Variants in ALS2CL observed in about 807,000 individuals in gnomAD.
ALS2CL encodes ALS2 C-terminal like.
Under a neutral mutation model 127.9 loss-of-function variants are expected in ALS2CL, and 112 were observed. The observed-to-expected ratio is 0.88, with a 90% CI of 0.75 to 1.02. ALS2CL has a LOEUF of 1.02. ALS2CL is among the 50% of genes least tolerant of loss of function. The pLI, the probability that ALS2CL is intolerant of heterozygous loss-of-function variation, is 0.00. For synonymous variants in ALS2CL, 519 were observed against 527.6 expected (o/e 0.98, Z 0.22); for missense variants, 1,174 against 1,236.7 (o/e 0.95, Z 0.76).
Position 46,676,662 on chromosome 3 carries a change from G to C in ALS2CL, c.2008C>G (p.Leu670Val), listed in dbSNP as rs1242406151. 2 of 1,613,442 alleles carry C rather than the reference G, an allele frequency of 1.2e-6. No homozygotes were observed. Among genetic ancestry groups the C allele is most frequent in the African/African-American group, 2.7e-5 (2 of 74,844 alleles). The change falls in exon 18 of 26, where the codon CTG becomes GTG. Residue 670 changes from leucine (L) to valine (V), a missense_variant. By Grantham distance (32) the Leu-to-Val change is conservative. Transcript: ENST00000318962. ...ELLQHREPKA[L>V]QLYLRKALSN... is the part of the protein sequence containing the mutation. ...CTCACCTTCCTGAGGTACAGCTGCA[G>C]GGCCTTGGGCTCCCGGTGCTGCAGC...
At chr3:46,679,377 A>C in intron 14 of ALS2CL, 90 bp from the exon 15 acceptor site, 5 of 1,137,190 alleles carry the variant, frequency 4.4e-6, no homozygotes, top group Non-Finnish European at 6.4e-6. Flanking sequence ...AAGAAGGGAG[A>C]TGTGCCCTGA....
rs939623991 is a variant in ALS2CL, at chr3:46,683,705, AG to A, written c.912+76del. The A allele has an allele frequency of 6.5e-6, 10 of 1,547,158 alleles. No individual in the cohort carries two copies. In the African/African-American group the frequency reaches 1.2e-4, roughly 19 times the overall value. ...CGCCGGCACTCCTGTGGGGCCCTGCAGGGTTGCATACTTCTGCCCTCTTCCT... is the reference window on the plus strand; with the variant it reads ...CGCCGGCACTCCTGTGGGGCCCTGCAGGTTGCATACTTCTGCCCTCTTCCT... On this transcript the variant is annotated intron_variant, in intron 9 of 25. Transcript: ENST00000318962.
Position 46,689,452 on chromosome 3 carries a change from G to A in ALS2CL, c.-12C>T, listed in dbSNP as rs756064454. Reference sequence around the variant, plus strand: ...TCAGGGTTGCACATGGCCAGGTGCCGGACTCAGGGCCTCCTAGGTAGGGCA... The same window carrying A: ...TCAGGGTTGCACATGGCCAGGTGCCAGACTCAGGGCCTCCTAGGTAGGGCA... On this transcript the variant is annotated 5_prime_UTR_variant, in exon 2 of 26. Coordinates refer to ENST00000318962, the MANE Select transcript of ALS2CL (RefSeq NM_147129.5). 1.8e-5 allele frequency: 29 copies of A among 1,596,490 alleles called. No individual in the cohort carries two copies. Among genetic ancestry groups the A allele is most frequent in the East Asian group, 6.8e-5 (3 of 44,120 alleles).
At chr3:46,671,174 G>A (rs1698353974) in intron 25 of ALS2CL, 110 bp from the exon 26 acceptor site, 1 of 1,208,980 alleles carries the variant, frequency 8.3e-7, no homozygotes. Flanking sequence ...CCCAGAGGAG[G>A]CGTGTCTCCA....
chr3:46,688,141 G>T lies in ALS2CL; in HGVS notation c.259C>A (p.Leu87Met), dbSNP rs2106744400. Residue 87 changes from leucine to methionine, a missense_variant, in exon 3 of 26, where the codon CTG (leucine) becomes ATG (methionine). Physicochemically the swap from Leu to Met is conservative, Grantham distance 15. Transcript: ENST00000318962. ...ACACGGTCAGCACCTCGCAGCAGCAGCAGGGACTCCAGACCGGTGGAGTCC... is the reference window on the plus strand; with the variant it reads ...ACACGGTCAGCACCTCGCAGCAGCATCAGGGACTCCAGACCGGTGGAGTCC... The part of the protein sequence containing the change: ...YPDSTGLESL[L>M]LLRGADRVLQ... 1 of 1,613,088 alleles carries T rather than the reference G, an allele frequency of 6.2e-7. No individual in the cohort carries two copies. The highest frequency in any genetic ancestry group is 2.2e-5 in the East Asian group (1 of 44,896).
chr3:46,676,087 C>T, intron 19 of ALS2CL, 158 bp downstream of exon 19: 1 of 1,379,112 alleles, frequency 7.3e-7, no homozygotes, highest in Non-Finnish European at 9.6e-7. Flanking sequence ...TCCCCACCCT[C>T]TAACCCTTTT....
intron 14 of ALS2CL, 41 bp downstream of exon 14, chr3:46,680,389 G>A (rs781630262): frequency 6.3e-7 from 1 of 1,578,594 alleles, no homozygotes; most frequent in Non-Finnish European, 8.7e-7. Context: ...AGCGGGAGTG[G>A]GGTGCAAAGA....
intron 13 of ALS2CL, chr3:46,680,991 C>T (rs548956369): frequency 4.3e-5 from 26 of 605,224 alleles, no homozygotes; most frequent in African/African-American, 2.8e-4. Flanking sequence ...AGTTTTTAGA[C>T]GTGACAGAGC....
chr3:46,679,237 G>A lies in ALS2CL; in HGVS notation c.1599C>T (p.Phe533=). ...SEDDSLYEGT[F]TRDLTLMGKG... ...TCCCCATGAGGGTCAGGTCCCTGGT[G>A]AAGGTGCCCTCATACAGGGAGTCGT... The change falls in exon 15 of 26, where the codon TTC becomes TTT. Residue 533 remains phenylalanine (F), a synonymous_variant. Transcript: ENST00000318962. 1.3e-6 allele frequency: 2 copies of A among 1,581,088 alleles called. No homozygotes were observed. Among genetic ancestry groups the A allele is most frequent in the East Asian group, 2.3e-5 (1 of 43,392 alleles).
At chr3:46,672,311 G>T in intron 22 of ALS2CL, 110 bp from the exon 23 acceptor site, 1 of 1,353,012 alleles carries the variant, frequency 7.4e-7, no homozygotes, top group Non-Finnish European at 1.0e-6. Flanking sequence ...TTCACTGCCA[G>T]CTTTAGTGCA....
chr3:46,675,575 C>G (rs7635360), intron 20 of ALS2CL, 43 bp downstream of exon 20: 504,103 of 1,596,624 alleles, frequency 0.32, 81,196 homozygotes, highest in South Asian at 0.41. Flanking sequence ...CGCATGAGGC[C>G]TCCCTGGACA....
rs746306306 is a variant in ALS2CL at position 46,681,054 on chromosome 3, C to T, written c.1436+192G>A. On this transcript the variant is annotated intron_variant, in intron 13 of 25. Transcript: ENST00000318962. This position sits in a 1 kb window ranked among gnomAD's most constrained non-coding sequence, Gnocchi z 4.9. Reference sequence around the variant, plus strand: ...CATGAGGAGGGGTGAGGGGCGGGGGCGACCCTGCAGTCAGCGTGACCAAGA... The same window carrying T: ...CATGAGGAGGGGTGAGGGGCGGGGGTGACCCTGCAGTCAGCGTGACCAAGA... 1.2e-5 allele frequency: 11 copies of T among 887,844 alleles called. No homozygotes were observed. The highest frequency in any genetic ancestry group is 5.0e-5 in the East Asian group (2 of 40,128). 55.0% of individuals were successfully genotyped at this position (887,844 alleles called of 1,614,324 possible). A position where few individuals can be genotyped will look rare whatever the true frequency, so the allele number is the denominator to read the frequency against.
chr3:46,685,374 G>T, intron 7 of ALS2CL, 151 bp downstream of exon 7: 1 of 1,309,798 alleles, frequency 7.6e-7, no homozygotes, highest in Non-Finnish European at 1.0e-6. Context: ...CCAGTGGACC[G>T]CCCCTCCCCA....
In ALS2CL at chr3:46,687,647, C is replaced by T. The variant is rs1282886562; in HGVS notation, c.340G>A (p.Ala114Thr). 1.9e-6 allele frequency: 3 copies of T among 1,613,340 alleles called. No individual in the cohort carries two copies. The highest frequency in any genetic ancestry group is 2.5e-6 in the Non-Finnish European group (3 of 1,179,728). Residue 114 changes from alanine (A) to threonine (T), a missense_variant, in exon 4 of 26, where the codon GCC becomes ACC. Transcript: ENST00000318962. Reference sequence around the variant, plus strand: ...CTCCTCTTTGCTGCCTTCTGGAAGGCCTGCACCACCATGCAGCTTGTGTAG... The same window carrying T: ...CTCCTCTTTGCTGCCTTCTGGAAGGTCTGCACCACCATGCAGCTTGTGTAG... ...ESYTSCMVVQAFQKAAKRRSE... is the reference protein window; with the variant it reads ...ESYTSCMVVQTFQKAAKRRSE...
intron 3 of ALS2CL, 64 bp downstream of exon 3, chr3:46,688,034 C>A: frequency 1.3e-6 from 2 of 1,576,042 alleles, no homozygotes; most frequent in Non-Finnish European, 1.7e-6. Context: ...CCCAGGTGAA[C>A]CTTAATGCCA....
intron 2 of ALS2CL, 28 bp downstream of exon 2, chr3:46,689,310 C>T (rs758038693): frequency 6.2e-7 from 1 of 1,608,070 alleles, no homozygotes; most frequent in Admixed American, 1.7e-5. Context: ...CGGTGCCCTT[C>T]CCTCCCCACT....
In ALS2CL at chr3:46,677,025, G is replaced by T. The variant is rs368140110; in HGVS notation, c.1758-3C>A. ...GGAAGGCACCCACGCCCAGCTGCCTGCGATGGGGATGGAGGGTGGGTGATG... is the reference window on the plus strand; with the variant it reads ...GGAAGGCACCCACGCCCAGCTGCCTTCGATGGGGATGGAGGGTGGGTGATG... On this transcript the variant is annotated splice_polypyrimidine_tract_variant and splice_region_variant and intron_variant, in intron 16 of 25. Coordinates refer to ENST00000318962, the MANE Select transcript of ALS2CL (RefSeq NM_147129.5). The T allele has an allele frequency of 3.8e-6, 6 of 1,598,148 alleles. No individual in the cohort carries two copies. The highest frequency in any genetic ancestry group is 1.3e-5 in the African/African-American group (1 of 74,742).
At position 46,669,907 on chromosome 3, in the gene ALS2CL, G is replaced by C. The variant is rs1247990906; in HGVS notation, c.*1077C>G. Reference sequence around the variant, plus strand: ...TGAAGTCAGTACTTCGTTTGGGGGAGCCACACCCAGAGCCAGGAGCCTGAC... The same window carrying C: ...TGAAGTCAGTACTTCGTTTGGGGGACCCACACCCAGAGCCAGGAGCCTGAC... On this transcript the variant is annotated 3_prime_UTR_variant, in exon 26 of 26. Coordinates refer to ENST00000318962, the MANE Select transcript of ALS2CL (RefSeq NM_147129.5). 1 of 152,244 alleles carries C rather than the reference G, an allele frequency of 6.6e-6. No homozygotes were observed. Among genetic ancestry groups the C allele is most frequent in the Non-Finnish European group, 1.5e-5 (1 of 68,088 alleles). The allele number at this position is 152,244 out of a possible 1,614,324, so 9.4% of individuals were successfully genotyped here. A position where few individuals can be genotyped will look rare whatever the true frequency, so the allele number is the denominator to read the frequency against.
chr3:46,670,685 A>G lies in ALS2CL; in HGVS notation c.*299T>C. ...CCGGAGAGGCTCTGGAACTTGGGAG[A>G]AAGGCTCAGGCTAAGAGAAGCCAGG... On this transcript the variant is annotated 3_prime_UTR_variant, in exon 26 of 26. Transcript: ENST00000318962. The surrounding 1 kb of genome is among the most constrained non-coding windows in gnomAD (Gnocchi z 5.5). 1 of 381,264 alleles carries G rather than the reference A, an allele frequency of 2.6e-6. No homozygotes were observed. The highest frequency in any genetic ancestry group is 3.1e-5 in the South Asian group (1 of 32,034). 23.6% of individuals were successfully genotyped at this position (381,264 alleles called of 1,614,324 possible).
Sources: allele counts gnomAD v4.1 joint callset, GRCh38; gene constraint gnomAD v4.1.1; non-coding constraint Gnocchi (gnomAD v3.1); transcripts MANE v1.5; gene names NCBI Gene and HGNC (gene_info 2026-07-23, HGNC 2026-07-21).